Variants in COX10 observed in about 807,000 individuals in gnomAD.
COX10 encodes cytochrome c oxidase assembly factor heme A:farnesyltransferase COX10.
A neutral mutation model predicts 37.3 loss-of-function variants in COX10; 27 were observed. The observed-to-expected ratio is 0.72, with a 90% CI of 0.53 to 1.00. The LOEUF (loss-of-function observed/expected upper bound fraction) is 1.00. Ranked by LOEUF, COX10 falls within the 50% of genes least tolerant of loss-of-function variation. The pLI is 0.00. For missense variants in COX10, 475 were observed against 563.2 expected (o/e 0.84, Z 1.59); for synonymous variants, 222 against 229.1 (o/e 0.97, Z 0.28).
chr17:14,161,221 A>T (rs2142240547), intron 5 of COX10, among the ~76,000 whole-genome samples: 1 of 152,306 alleles, frequency 6.6e-6, no homozygotes, highest in South Asian at 2.1e-4. Context: ...AATTGGCAAC[A>T]CTGTCCTTTT....
chr17:14,120,328 A>G (rs1339409245), intron 4 of COX10, among the ~76,000 whole-genome samples: 1 of 152,194 alleles, frequency 6.6e-6, no homozygotes, highest in Non-Finnish European at 1.5e-5. Context: ...CTGCATAGAG[A>G]TGGTAATTAT....
At chr17:14,082,235 C>G (rs143798728) in intron 3 of COX10, among the ~76,000 whole-genome samples, 1 of 151,978 alleles carries the variant, frequency 6.6e-6, no homozygotes, top group African/African-American at 2.4e-5. Context: ...GGAGGAAGAC[C>G]GGAAAAGACC....
chr17:14,160,148 A>G (rs1905143198), intron 5 of COX10, among the ~76,000 whole-genome samples: 1 of 152,142 alleles, frequency 6.6e-6, no homozygotes, highest in Non-Finnish European at 1.5e-5. Flanking sequence ...TAAGAGTGGC[A>G]GGGTTTTTTT....
intron 5 of COX10, among the ~76,000 whole-genome samples, chr17:14,172,586 T>C (rs891702921): frequency 6.2e-5 from 9 of 145,516 alleles, no homozygotes; most frequent in African/African-American, 1.8e-4. Context: ...TTCTTTTTTT[T>C]TTTTTTTTTT....
chr17:14,118,101 C>G (rs1404916872), intron 4 of COX10, among the ~76,000 whole-genome samples: 1 of 152,100 alleles, frequency 6.6e-6, no homozygotes, highest in African/African-American at 2.4e-5. Flanking sequence ...TTTTCTGCTT[C>G]TCTTGACATC....
chr17:14,144,367 A>T (rs530555766), intron 4 of COX10, among the ~76,000 whole-genome samples: 2 of 152,112 alleles, frequency 1.3e-5, no homozygotes, highest in East Asian at 1.9e-4. Flanking sequence ...CTCCTTGTTA[A>T]TGTTGTCAGT....
At chr17:14,107,289 C>G (rs140347520) in intron 4 of COX10, among the ~76,000 whole-genome samples, 2,349 of 152,104 alleles carry the variant, frequency 0.015, 56 homozygotes, top group African/African-American at 0.054. Flanking sequence ...AAACGCTGGC[C>G]CACATTTCTT....
At chr17:14,196,518 G>A (rs1465771282) in intron 6 of COX10, among the ~76,000 whole-genome samples, 5 of 152,180 alleles carry the variant, frequency 3.3e-5, no homozygotes, top group African/African-American at 1.2e-4. Flanking sequence ...GTGGGGACAC[G>A]TGCAAGGATG....
chr17:14,163,422 T>C (rs1251132580), intron 5 of COX10, among the ~76,000 whole-genome samples: 1 of 151,872 alleles, frequency 6.6e-6, no homozygotes, highest in Non-Finnish European at 1.5e-5. Flanking sequence ...ACCTGGCTAA[T>C]TTTTTTGTAT....
chr17:14,169,616 A>G (rs545734419), intron 5 of COX10, among the ~76,000 whole-genome samples: 13 of 152,312 alleles, frequency 8.5e-5, no homozygotes, highest in Middle Eastern at 3.4e-3. Flanking sequence ...TGGACCAACA[A>G]ACTGACTTGT....
chr17:14,206,229 C>T (rs1906694571), intron 6 of COX10, among the ~76,000 whole-genome samples: 1 of 152,072 alleles, frequency 6.6e-6, no homozygotes, highest in South Asian at 2.1e-4. Context: ...ACTGACTGCC[C>T]TGGAAAGGGA....
At chr17:14,176,426 A>G (rs923866372) in intron 5 of COX10, among the ~76,000 whole-genome samples, 3 of 152,190 alleles carry the variant, frequency 2.0e-5, no homozygotes, top group African/African-American at 7.2e-5. Flanking sequence ...GAAGAATAAT[A>G]GAGTAAACCC....
At position 14,180,348 on chromosome 17, in the gene COX10, G is replaced by A. The variant is rs1190963616; in HGVS notation, c.696-11641G>A. On this transcript the variant is annotated intron_variant, in intron 5 of 6. Transcript: ENST00000261643. ...ATTTGGCCTCAACTTAATAATAGTG[G>A]TATTAATGTAGAGAACTTGTTCTTA... Among the ~76,000 whole-genome samples, 3 of 152,274 alleles carry A rather than the reference G, an allele frequency of 2.0e-5. No individual in the cohort carries two copies. In the East Asian group the frequency reaches 5.8e-4, roughly 29 times the overall value.
In COX10 at chr17:14,105,547, A is replaced by G. The variant is rs575426411; in HGVS notation, c.624+3305A>G. Among the ~76,000 whole-genome samples the G allele has an allele frequency of 3.3e-5, 5 of 152,346 alleles. No individual in the cohort carries two copies. The East Asian group carries it at 9.6e-4, about 29-fold the overall frequency. Reference sequence around the variant, plus strand: ...CTTTAAGGCTTATAATCCTTAAAGTAGGTGGTATTCCTTCTATTTCTATGT... The same window carrying G: ...CTTTAAGGCTTATAATCCTTAAAGTGGGTGGTATTCCTTCTATTTCTATGT... On this transcript the variant is annotated intron_variant, in intron 4 of 6. Coordinates refer to ENST00000261643, the MANE Select transcript of COX10 (RefSeq NM_001303.4).
chr17:14,098,326 C>G (rs926635316), intron 3 of COX10, among the ~76,000 whole-genome samples: 1 of 152,092 alleles, frequency 6.6e-6, no homozygotes. Context: ...TACTATCAGC[C>G]TTTCTTCTGC....
chr17:14,098,542 A>G (rs1406706769), intron 3 of COX10, among the ~76,000 whole-genome samples: 1 of 152,134 alleles, frequency 6.6e-6, no homozygotes, highest in Non-Finnish European at 1.5e-5. Flanking sequence ...CAAAGAACGA[A>G]AAAGCTTCCT....
chr17:14,182,180 G>C, intron 5 of COX10: 3 of 963,910 alleles, frequency 3.1e-6, no homozygotes, highest in African/African-American at 3.5e-5. Context: ...TATAATCGCA[G>C]CTACTCAGGA....
At chr17:14,087,808 TCTC>T (rs1915444507) in intron 3 of COX10, among the ~76,000 whole-genome samples, 1 of 152,012 alleles carries the variant, frequency 6.6e-6, no homozygotes, top group East Asian at 1.9e-4. Context: ...TCCAGCCTCT[TCTC>T]TGGTGCTGTG....
At chr17:14,181,191 G>A (rs1200452435) in intron 5 of COX10, among the ~76,000 whole-genome samples, 1 of 152,174 alleles carries the variant, frequency 6.6e-6, no homozygotes, top group African/African-American at 2.4e-5. Context: ...GGAGAGAAGT[G>A]TTTCAGGGGG....
Sources: allele counts gnomAD v4.1 joint callset (sites outside exome capture counted in the v4.1 genomes callset), GRCh38; gene constraint gnomAD v4.1.1; transcripts MANE v1.5; gene names NCBI Gene and HGNC (gene_info 2026-07-23, HGNC 2026-07-21).